IPO5: variants seen among roughly 807,000 people sequenced by gnomAD.
IPO5 encodes importin 5.
Under a neutral mutation model 143.3 loss-of-function variants are expected in IPO5, and 18 were observed. The observed-to-expected ratio is 0.13, with a 90% CI of 0.09 to 0.19. The LOEUF is 0.19. IPO5 is among the 10% of genes least tolerant of loss of function. IPO5 has a pLI of 1.00. For missense variants in IPO5, 1,013 were observed against 1,336.9 expected (o/e 0.76, Z 3.78); for synonymous variants, 477 against 465.7 (o/e 1.02, Z -0.31).
At chr13:97,988,162 A>C (rs1314434811) in intron 6 of IPO5, 1 of 158,628 alleles carries the variant, frequency 6.3e-6, no homozygotes, top group African/African-American at 2.4e-5. Flanking sequence ...TAAGTGGCAC[A>C]GTAGATTTTT....
chr13:97,982,040 C>T (rs1199912043), intron 4 of IPO5: 1 of 154,538 alleles, frequency 6.5e-6, no homozygotes, highest in African/African-American at 2.4e-5. Flanking sequence ...CTTTGTTTCT[C>T]TGACTTACTT....
intron 2 of IPO5, among the ~76,000 whole-genome samples, chr13:97,964,604 AT>A (rs113079162): frequency 1.3e-5 from 2 of 150,418 alleles, no homozygotes; most frequent in Admixed American, 6.6e-5. Context: ...CACCCAGCTA[AT>A]TTTTTTTTGT....
chr13:98,012,055 C>CT (rs1275855809), intron 20 of IPO5, among the ~76,000 whole-genome samples, 191 bp from the exon 21 acceptor site: 1 of 151,546 alleles, frequency 6.6e-6, no homozygotes. Context: ...ACCAATACTA[C>CT]AATCATTTCA....
chr13:97,974,803 T>G (rs961121906), intron 3 of IPO5, among the ~76,000 whole-genome samples: 8 of 151,870 alleles, frequency 5.3e-5, no homozygotes, highest in African/African-American at 2.4e-5. Flanking sequence ...CTAAGAAATA[T>G]AAATTCAACA....
intron 7 of IPO5, among the ~76,000 whole-genome samples, chr13:97,989,711 C>T (rs1594076439): frequency 6.6e-6 from 1 of 152,132 alleles, no homozygotes; most frequent in Non-Finnish European, 1.5e-5. Context: ...GGCTTTGTAT[C>T]ATTTTGTACT....
intron 2 of IPO5, among the ~76,000 whole-genome samples, chr13:97,961,984 C>G (rs1487811613): frequency 6.6e-6 from 1 of 152,026 alleles, no homozygotes; most frequent in African/African-American, 2.4e-5. Context: ...CAAAAATTAG[C>G]TGGGCGTGGG....
At chr13:97,955,233 A>G (rs1380650121) in intron 2 of IPO5, among the ~76,000 whole-genome samples, 1 of 151,960 alleles carries the variant, frequency 6.6e-6, no homozygotes, top group Non-Finnish European at 1.5e-5. Context: ...TATCACGAAA[A>G]AAAAAAAAGA....
chr13:97,963,559 G>T lies in IPO5; in HGVS notation c.-112-6164G>T, dbSNP rs530626483. ...TAATTTTTTGTATTTTAGTACAGAT[G>T]GGGTTTCACCATGTTGGCCAGGATG... On this transcript the variant is annotated intron_variant, in intron 2 of 28. Transcript: ENST00000651721. Among the ~76,000 whole-genome samples, 7 of 151,934 alleles carry T rather than the reference G, an allele frequency of 4.6e-5. No individual in the cohort carries two copies. In the South Asian group the frequency reaches 6.3e-4, roughly 14 times the overall value.
intron 11 of IPO5, among the ~76,000 whole-genome samples, chr13:97,994,078 G>A (rs909202016): frequency 6.6e-6 from 1 of 152,186 alleles, no homozygotes; most frequent in Non-Finnish European, 1.5e-5. Flanking sequence ...AGGCCGAGGC[G>A]GGCAGATCAC....
chr13:97,974,937 T>C (rs1160992162), intron 3 of IPO5, among the ~76,000 whole-genome samples: 3 of 152,190 alleles, frequency 2.0e-5, no homozygotes, highest in Non-Finnish European at 2.9e-5. Context: ...GCCATCCCAA[T>C]TGCACGTGGA....
At chr13:97,995,072 C>G (rs1888133042) in intron 11 of IPO5, among the ~76,000 whole-genome samples, 2 of 150,802 alleles carry the variant, frequency 1.3e-5, no homozygotes, top group African/African-American at 2.4e-5. Context: ...CTGCCGTGAG[C>G]CAAGATTGCA....
chr13:98,018,201 A>C (rs909872014), intron 25 of IPO5, among the ~76,000 whole-genome samples: 2 of 152,104 alleles, frequency 1.3e-5, no homozygotes, highest in African/African-American at 4.8e-5. Context: ...TCTTTTTTAC[A>C]AAGTAAATTT....
rs1300650592 is a variant in IPO5, at chr13:97,986,357, TA to T, written c.364+745del. 5.7e-4 allele frequency among the ~76,000 whole-genome samples: 85 copies of T among 150,274 alleles called. No homozygotes were observed. In the East Asian group the frequency reaches 0.011, roughly 19 times the overall value. The stretch of plus-strand genomic sequence containing the variant: ...GTTACGTAGCTATACTATGTATATA[TA>T]TATTTTTTTTTTTTGAGACGGAGTT... On this transcript the variant is annotated intron_variant, in intron 6 of 28. Coordinates refer to ENST00000651721, the MANE Select transcript of IPO5 (RefSeq NM_002271.6).
chr13:97,981,422 C>T (rs1034162834), intron 4 of IPO5: 2 of 321,382 alleles, frequency 6.2e-6, no homozygotes, highest in Non-Finnish European at 1.2e-5. Context: ...ACTTATAAGC[C>T]TTTATTTCCT....
At chr13:97,954,077 G>A (rs929630717) in intron 1 of IPO5, 42 bp from the exon 2 acceptor site, 6 of 298,782 alleles carry the variant, frequency 2.0e-5, no homozygotes, top group Non-Finnish European at 3.4e-5. Context: ...GGTCTGTGTT[G>A]CCATCCTGAA....
At chr13:97,981,559 G>A (rs1566484613) in intron 4 of IPO5, among the ~76,000 whole-genome samples, 1 of 152,172 alleles carries the variant, frequency 6.6e-6, no homozygotes, top group Non-Finnish European at 1.5e-5. Flanking sequence ...ATAGAGGTAT[G>A]GTAGCAATGA....
At chr13:98,015,241 G>GT (rs1231985260) in intron 22 of IPO5, among the ~76,000 whole-genome samples, 1 of 48,216 alleles carries the variant, frequency 2.1e-5, no homozygotes, top group Non-Finnish European at 4.7e-5. Flanking sequence ...TTAGGAGCTG[G>GT]TTGTGTGTGT....
At chr13:97,981,421 C>T in intron 4 of IPO5, 1 of 321,460 alleles carries the variant, frequency 3.1e-6, no homozygotes, top group Non-Finnish European at 6.0e-6. Flanking sequence ...AACTTATAAG[C>T]CTTTATTTCC....
intron 6 of IPO5, among the ~76,000 whole-genome samples, chr13:97,986,173 G>A (rs1199400996): frequency 6.6e-6 from 1 of 151,958 alleles, no homozygotes; most frequent in African/African-American, 2.4e-5. Context: ...CTTGAAAATT[G>A]GCAGTTACAT....
Sources: gnomAD v4.1 joint callset for allele counts (sites outside exome capture counted in the v4.1 genomes callset) on GRCh38, gnomAD v4.1.1 for gene constraint, MANE v1.5 for transcripts, NCBI Gene and HGNC (gene_info 2026-07-23, HGNC 2026-07-21) for gene names.